Variants in TBC1D22A observed in about 807,000 individuals in gnomAD.
TBC1D22A encodes the protein putative GTPase activator.
Under a neutral mutation model 60.2 loss-of-function variants are expected in TBC1D22A, and 38 were observed. The observed-to-expected ratio is 0.63, with a 90% CI of 0.49 to 0.83. The LOEUF is 0.83. Ranked by LOEUF, TBC1D22A falls within the 40% of genes least tolerant of loss-of-function variation. The probability of loss-of-function intolerance (pLI) is 0.00; values close to 1 mark genes in which losing one functional copy is unlikely to be tolerated. For synonymous variants in TBC1D22A, 302 were observed against 281.7 expected (o/e 1.07, Z -0.72); for missense variants, 628 against 701.0 (o/e 0.90, Z 1.18).
intron 8 of TBC1D22A, among the ~76,000 whole-genome samples, chr22:46,940,813 G>A (rs1431508318): frequency 3.7e-5 from 4 of 109,010 alleles, no homozygotes; most frequent in South Asian, 3.0e-4. Context: ...CATGGGGACC[G>A]GGGCACTAGA....
chr22:47,066,986 C>G (rs2063795028), intron 11 of TBC1D22A, among the ~76,000 whole-genome samples: 1 of 152,190 alleles, frequency 6.6e-6, no homozygotes, highest in Non-Finnish European at 1.5e-5. Flanking sequence ...CTCATTTTGG[C>G]CAGGCGCGGT....
At chr22:46,824,087 A>G (rs964364751) in intron 4 of TBC1D22A, among the ~76,000 whole-genome samples, 4 of 152,152 alleles carry the variant, frequency 2.6e-5, no homozygotes, top group East Asian at 3.8e-4. Flanking sequence ...TCACCATAAC[A>G]CGTTATAAAT....
At chr22:46,962,486 A>G (rs932406301) in intron 8 of TBC1D22A, among the ~76,000 whole-genome samples, 1 of 152,240 alleles carries the variant, frequency 6.6e-6, no homozygotes, top group Non-Finnish European at 1.5e-5. Context: ...TTCACCTGCC[A>G]ATTTCACTTG....
chr22:46,906,688 G>A (rs5767402), intron 7 of TBC1D22A, among the ~76,000 whole-genome samples: 47,332 of 151,944 alleles, frequency 0.31, 8,242 homozygotes, highest in East Asian at 0.62. Context: ...AAGGCTGCTC[G>A]CTCCGTTTCT....
At chr22:47,162,202 GTTT>G (rs57783061) in intron 12 of TBC1D22A, among the ~76,000 whole-genome samples, 1 of 146,172 alleles carries the variant, frequency 6.8e-6, no homozygotes. Context: ...CATTTGAAAG[GTTT>G]TTTTTTTTTT....
chr22:46,972,376 C>T (rs924622480), intron 8 of TBC1D22A, among the ~76,000 whole-genome samples: 2 of 152,206 alleles, frequency 1.3e-5, no homozygotes, highest in African/African-American at 4.8e-5. Context: ...TCCACATTAC[C>T]CCTTGGTGGA....
intron 11 of TBC1D22A, among the ~76,000 whole-genome samples, chr22:47,070,135 CTGT>C (rs1208405760): frequency 1.4e-5 from 2 of 143,354 alleles, no homozygotes; most frequent in Non-Finnish European, 3.0e-5. Flanking sequence ...AGACTGTTCC[CTGT>C]TGTTTGGTTG....
intron 11 of TBC1D22A, among the ~76,000 whole-genome samples, chr22:47,092,911 A>AC (rs1351224428): frequency 6.6e-6 from 1 of 152,190 alleles, no homozygotes; most frequent in Non-Finnish European, 1.5e-5. Flanking sequence ...TAGCAAAAGT[A>AC]CCTTTAGAGT....
intron 4 of TBC1D22A, among the ~76,000 whole-genome samples, chr22:46,864,347 G>T (rs553501572): frequency 4.9e-4 from 74 of 152,274 alleles, no homozygotes; most frequent in African/African-American, 1.7e-3. Context: ...CCCTTGCTGC[G>T]GTTTGGGCTC....
chr22:47,051,216 G>A (rs2063205539), intron 11 of TBC1D22A, among the ~76,000 whole-genome samples: 1 of 152,178 alleles, frequency 6.6e-6, no homozygotes, highest in Non-Finnish European at 1.5e-5. Flanking sequence ...GAACATTCCA[G>A]TAATGTTGTT....
intron 12 of TBC1D22A, among the ~76,000 whole-genome samples, chr22:47,160,674 G>A (rs997145782): frequency 2.0e-5 from 3 of 152,216 alleles, no homozygotes; most frequent in African/African-American, 7.2e-5. Flanking sequence ...TCTGAAATTT[G>A]AATCTTTGAA....
intron 11 of TBC1D22A, among the ~76,000 whole-genome samples, chr22:47,097,848 G>A (rs1203247319): frequency 1.3e-5 from 2 of 152,000 alleles, no homozygotes; most frequent in African/African-American, 4.8e-5. Flanking sequence ...ATTCTGCAGG[G>A]GTGGGCTCCC....
chr22:46,764,290 A>T (rs1056963184), intron 1 of TBC1D22A: 17 of 152,370 alleles, frequency 1.1e-4, no homozygotes, highest in African/African-American at 4.1e-4. Flanking sequence ...GTCCAAGGTG[A>T]GTGAAGATTC....
intron 11 of TBC1D22A, among the ~76,000 whole-genome samples, chr22:47,108,856 C>T (rs1389465035): frequency 6.6e-6 from 1 of 152,138 alleles, no homozygotes; most frequent in African/African-American, 2.4e-5. Flanking sequence ...CCACCATGCC[C>T]AGCTAATTTT....
At chr22:46,763,847 C>G (rs931730478) in intron 1 of TBC1D22A, 2 of 152,222 alleles carry the variant, frequency 1.3e-5, no homozygotes, top group African/African-American at 4.8e-5. Flanking sequence ...GTAATCCCAG[C>G]ACTTTGGGAG....
intron 11 of TBC1D22A, among the ~76,000 whole-genome samples, chr22:47,082,512 A>G (rs1256544854): frequency 6.6e-6 from 1 of 152,250 alleles, no homozygotes; most frequent in Non-Finnish European, 1.5e-5. Context: ...TATCCAGGAT[A>G]TATAAAAACT....
At chr22:46,946,364 C>T (rs1354820761) in intron 8 of TBC1D22A, among the ~76,000 whole-genome samples, 1 of 152,204 alleles carries the variant, frequency 6.6e-6, no homozygotes, top group Non-Finnish European at 1.5e-5. Flanking sequence ...AGAAAGGTGC[C>T]CCTGACGAGC....
intron 9 of TBC1D22A, among the ~76,000 whole-genome samples, chr22:46,995,543 C>T (rs560386705): frequency 2.0e-5 from 3 of 151,946 alleles, no homozygotes; most frequent in East Asian, 3.9e-4. Flanking sequence ...GAGAGAGAAA[C>T]GTAGAGAGTG....
intron 1 of TBC1D22A, chr22:46,788,858 G>C (rs528286556): frequency 6.6e-6 from 1 of 152,194 alleles, no homozygotes; most frequent in African/African-American, 2.4e-5. Context: ...AGACTCTTTT[G>C]AATTCCTTTC....
Sources: allele counts gnomAD v4.1 joint callset (sites outside exome capture counted in the v4.1 genomes callset), GRCh38; gene constraint gnomAD v4.1.1; transcripts MANE v1.5; gene names NCBI Gene and HGNC (gene_info 2026-07-23, HGNC 2026-07-21).